ZNF483: variants seen among roughly 807,000 people sequenced by gnomAD.
The protein encoded by ZNF483 is zinc finger protein HIT-10.
A neutral mutation model predicts 28.6 loss-of-function variants in ZNF483; 9 were observed. The observed-to-expected ratio is 0.32, with a 90% confidence interval of 0.19 to 0.55. The LOEUF (loss-of-function observed/expected upper bound fraction) is 0.55. Among genes scored for constraint, ZNF483 ranks in the 20% least tolerant of loss-of-function variants. ZNF483 has a pLI of 0.93. For synonymous variants in ZNF483, 322 were observed against 306.2 expected, an observed-to-expected ratio of 1.05 and a Z score of -0.54; for missense variants, 675 against 871.7, an observed-to-expected ratio of 0.77 and a Z score of 2.84.
intron 5 of ZNF483, chr9:111,564,295 AT>A (rs1217148776): frequency 2.3e-5 from 14 of 610,274 alleles, no homozygotes; most frequent in Non-Finnish European, 2.8e-5. Flanking sequence ...TATTATTATT[AT>A]TATTATTATT....
At chr9:111,564,790 G>C (rs1589292423) in intron 5 of ZNF483, among the ~76,000 whole-genome samples, 1 of 152,078 alleles carries the variant, frequency 6.6e-6, no homozygotes, top group East Asian at 1.9e-4. Flanking sequence ...ACCAGTGCCT[G>C]ACAATGGGAC....
chr9:111,530,977 G>C lies in ZNF483; in HGVS notation c.501+14G>C. Reference sequence around the variant, plus strand: ...ACTGAGTCCTGTGTAAGTTTCCTTTGATGGTTTTTATTCCTAAGTGAATAC... The same window carrying C: ...ACTGAGTCCTGTGTAAGTTTCCTTTCATGGTTTTTATTCCTAAGTGAATAC... On this transcript the variant is annotated intron_variant, in intron 3 of 5. Coordinates refer to ENST00000309235, the MANE Select transcript of ZNF483 (RefSeq NM_133464.5). 7.2e-7 allele frequency: 1 copy of C among 1,383,050 alleles called. No homozygotes were observed. Among genetic ancestry groups the C allele is most frequent in the South Asian group, 1.3e-5 (1 of 75,058 alleles). The allele number at this position is 1,383,050 out of a possible 1,614,324, so 85.7% of individuals were successfully genotyped here. A position where few individuals can be genotyped will look rare whatever the true frequency, so the allele number is the denominator to read the frequency against.
In ZNF483 at chr9:111,554,937, A is replaced by C. The variant is rs1828077911; in HGVS notation, c.*11767A>C. 6.6e-6 allele frequency among the ~76,000 whole-genome samples: 1 copy of C among 152,164 alleles called. No homozygotes were observed. Among genetic ancestry groups the C allele is most frequent in the Non-Finnish European group, 1.5e-5 (1 of 68,032 alleles). On this transcript the variant is annotated 3_prime_UTR_variant, in exon 6 of 6. Transcript: ENST00000309235. The stretch of plus-strand genomic sequence containing the variant: ...CTACTTTTTGCCTTTGGGACCCTAA[A>C]TGTCAGTGCCTGTTAATTTTTCTTT...
At position 111,549,624 on chromosome 9, in the gene ZNF483, C is replaced by T. The variant is rs1281604776; in HGVS notation, c.*6454C>T. 6.7e-6 allele frequency: 7 copies of T among 1,038,068 alleles called. No individual in the cohort carries two copies. Among genetic ancestry groups the T allele is most frequent in the Admixed American group, 2.6e-5 (1 of 39,002 alleles). 64.3% of individuals were successfully genotyped at this position (1,038,068 alleles called of 1,614,324 possible). ...TTTGCTAAACCTACCTGTAGCTCTT[C>T]TGGGGCAGCGGTCGTGGTGGTGGTG... On this transcript the variant is annotated 3_prime_UTR_variant, in exon 6 of 6. Transcript: ENST00000309235.
At chr9:111,565,511 TC>T (rs1478088757) in intron 5 of ZNF483, among the ~76,000 whole-genome samples, 2 of 152,106 alleles carry the variant, frequency 1.3e-5, no homozygotes, top group African/African-American at 4.8e-5. Flanking sequence ...TTCCTATAAA[TC>T]TAAAACTTCT....
Position 111,543,208 on chromosome 9 carries a change from A to G in ZNF483, c.*38A>G, listed in dbSNP as rs1376257261. 1 of 1,547,120 alleles carries G rather than the reference A, an allele frequency of 6.5e-7. No homozygotes were observed. Among genetic ancestry groups the G allele is most frequent in the Non-Finnish European group, 8.7e-7 (1 of 1,149,830 alleles). On this transcript the variant is annotated 3_prime_UTR_variant, in exon 6 of 6. Transcript: ENST00000309235. ...ATTAAAGTGGGGGGAATTTAATTCA[A>G]ATTGTCAGTTACTGAAACCCTGGGA...
intron 5 of ZNF483, among the ~76,000 whole-genome samples, chr9:111,575,094 C>T (rs527570980): frequency 6.6e-6 from 1 of 152,100 alleles, no homozygotes; most frequent in African/African-American, 2.4e-5. Context: ...TGAGGTCAGG[C>T]GTTCCAGACC....
rs1252063211 is a variant in ZNF483, at chr9:111,541,833, T to C, written c.898T>C (p.Phe300Leu). 6.2e-7 allele frequency: 1 copy of C among 1,613,800 alleles called. No homozygotes were observed. The highest frequency in any genetic ancestry group is 1.3e-5 in the African/African-American group (1 of 74,822). Residue 300 changes from phenylalanine (F) to leucine (L), a missense_variant, in exon 6 of 6, where the codon TTT becomes CTT. This residue lies in a region of ZNF483 where 525 missense variants were observed against 581.8 expected (regional missense o/e 0.90). Coordinates refer to ENST00000309235, the MANE Select transcript of ZNF483 (RefSeq NM_133464.5). ...TGGGAGTGGCAGTAGGGGTAAGAAATTTGACCCAGATAAAAGCCCCTTTGG... is the reference window on the plus strand; with the variant it reads ...TGGGAGTGGCAGTAGGGGTAAGAAACTTGACCCAGATAAAAGCCCCTTTGG... ...TLGSGSRGKK[F>L]DPDKSPFGHN...
At chr9:111,562,379 G>A (rs1226516815) in intron 5 of ZNF483, among the ~76,000 whole-genome samples, 2 of 151,124 alleles carry the variant, frequency 1.3e-5, no homozygotes, top group Non-Finnish European at 2.9e-5. Flanking sequence ...AGGTTCAAGT[G>A]AGTCTCCTGT....
At chr9:111,560,636 C>CAAAAAAAA (rs1015199330) in intron 5 of ZNF483, among the ~76,000 whole-genome samples, 1 of 26,296 alleles carries the variant, frequency 3.8e-5, no homozygotes, top group Non-Finnish European at 6.8e-5. Flanking sequence ...GACACCATCT[C>CAAAAAAAA]AAAAAAAAAA....
rs1827959126 is a variant in ZNF483, at chr9:111,551,626, TC to T, written c.*8458del. Among the ~76,000 whole-genome samples the T allele has an allele frequency of 1.3e-5, 2 of 152,120 alleles. No individual in the cohort carries two copies. Among genetic ancestry groups the T allele is most frequent in the Admixed American group, 6.5e-5 (1 of 15,278 alleles). ...TGTGTTGCCCAGGCTGTTCTCCAAC[TC>T]CTAAGCCCAGGCAATCTGCCTGTCT... is the stretch of plus-strand genomic sequence containing the variant. On this transcript the variant is annotated 3_prime_UTR_variant, in exon 6 of 6. Coordinates refer to ENST00000309235, the MANE Select transcript of ZNF483 (RefSeq NM_133464.5).
At position 111,544,155 on chromosome 9, in the gene ZNF483, A is replaced by G; in HGVS notation, c.*985A>G. 1 of 985,498 alleles carries G rather than the reference A, an allele frequency of 1.0e-6. No homozygotes were observed. Among genetic ancestry groups the G allele is most frequent in the Non-Finnish European group, 1.2e-6 (1 of 830,006 alleles). The allele number at this position is 985,498 out of a possible 1,614,324, so 61.0% of individuals were successfully genotyped here. A position where few individuals can be genotyped will look rare whatever the true frequency, so the allele number is the denominator to read the frequency against. On this transcript the variant is annotated 3_prime_UTR_variant, in exon 6 of 6. Coordinates refer to ENST00000309235, the MANE Select transcript of ZNF483 (RefSeq NM_133464.5). ...TCTCAGCCGTGAGAGTAACAGTCCT[A>G]GGAAAATAGATGGGGGCTGGGGGTA...
At chr9:111,557,438 A>T (rs1262468403), downstream of ZNF483, among the ~76,000 whole-genome samples, 1 of 64,194 alleles carries the variant, frequency 1.6e-5, no homozygotes, top group African/African-American at 1.1e-4. Context: ...AGGAAAACTC[A>T]TTATCTTTTT....
intron 5 of ZNF483, among the ~76,000 whole-genome samples, chr9:111,534,863 A>G (rs948740804): frequency 6.6e-6 from 1 of 151,108 alleles, no homozygotes; most frequent in Non-Finnish European, 1.5e-5. Flanking sequence ...AGCTGGGATT[A>G]CAGGCGCCTG....
At chr9:111,534,969 T>G (rs1011314120) in intron 5 of ZNF483, among the ~76,000 whole-genome samples, 1 of 152,060 alleles carries the variant, frequency 6.6e-6, no homozygotes. Flanking sequence ...GTGATCGGCC[T>G]GCCTCGGCCT....
At position 111,542,718 on chromosome 9, in the gene ZNF483, AC is replaced by A. The variant is rs887289242; in HGVS notation, c.1786del (p.Arg596GlyfsTer19). The A allele has an allele frequency of 6.2e-7, 1 of 1,613,978 alleles. No individual in the cohort carries two copies. Among genetic ancestry groups the A allele is most frequent in the Non-Finnish European group, 8.5e-7 (1 of 1,180,010 alleles). Reference sequence around the variant, plus strand: ...AGCCTTTAGGCAGAATTCATGCCTTACCCGGCATCAGAGAATTCACACTGGA... The same window carrying A: ...AGCCTTTAGGCAGAATTCATGCCTTACCGGCATCAGAGAATTCACACTGGA... ...GKAFRQNSCLTRHQRIHTGEK... is the reference protein window; with the variant it reads ...GKAFRQNSCLXRHQRIHTGEK... On this transcript the variant is annotated frameshift_variant, in exon 6 of 6. Coordinates refer to ENST00000309235, the MANE Select transcript of ZNF483 (RefSeq NM_133464.5). LOFTEE classifies it low-confidence loss of function (END_TRUNC). The surrounding 1 kb of genome is among the most constrained non-coding windows in gnomAD (Gnocchi z 6.2).
intron 5 of ZNF483, among the ~76,000 whole-genome samples, chr9:111,561,684 G>A (rs1828327627): frequency 6.6e-6 from 1 of 152,134 alleles, no homozygotes; most frequent in Non-Finnish European, 1.5e-5. Flanking sequence ...TTGGTGTGTT[G>A]AATAATTAGA....
Position 111,527,763 on chromosome 9 carries a change from T to C in ZNF483, c.368T>C (p.Val123Ala). Residue 123 changes from valine (V) to alanine (A), a missense_variant, in exon 2 of 6, where the codon GTG (valine) becomes GCG (alanine). By Grantham distance (64) the Val-to-Ala change is moderately conservative. Transcript: ENST00000309235. Reference sequence around the variant, plus strand: ...CAACATCCTGAGAGTAGTGAGGAAGTGGTGACCCTAATAGAAGATTTGACC... The same window carrying C: ...CAACATCCTGAGAGTAGTGAGGAAGCGGTGACCCTAATAGAAGATTTGACC... ...KSQHPESSEE[V>A]VTLIEDLTQM... 1 of 1,614,160 alleles carries C rather than the reference T, an allele frequency of 6.2e-7. No homozygotes were observed.
At chr9:111,525,921 A>G (rs1208845699) in intron 1 of ZNF483, among the ~76,000 whole-genome samples, 6 of 152,054 alleles carry the variant, frequency 3.9e-5, no homozygotes, top group Non-Finnish European at 8.8e-5. Context: ...CACATCCTTC[A>G]CTTGTCGCAT....
Sources: gnomAD v4.1 joint callset for allele counts (sites outside exome capture counted in the v4.1 genomes callset) on GRCh38, gnomAD v4.1.1 for gene constraint, gnomAD v4.1.1 regional missense constraint, Gnocchi (gnomAD v3.1) non-coding constraint, MANE v1.5 for transcripts, NCBI Gene and HGNC (gene_info 2026-07-23, HGNC 2026-07-21) for gene names.